SLC44A4: variants seen among roughly 807,000 people sequenced by gnomAD.
SLC44A4 encodes choline transporter-like protein 4.
SLC44A4 carries 74 observed loss-of-function variants against 97.0 expected under a neutral mutation model. The ratio of observed to expected loss-of-function variants is 0.76; its 90% CI spans 0.63 to 0.93. The LOEUF (loss-of-function observed/expected upper bound fraction) is 0.93. Among genes scored for constraint, SLC44A4 ranks in the 40% least tolerant of loss-of-function variants. SLC44A4 has a pLI of 0.00. For synonymous variants in SLC44A4, 325 were observed against 363.8 expected (o/e 0.89, Z 1.21); for missense variants, 799 against 902.9 (o/e 0.88, Z 1.48).
Position 31,866,135 on chromosome 6 carries a change from GT to G in SLC44A4, c.1234-10del. Reference sequence around the variant, plus strand: ...GAGTTCACAAGGTGGGCCTGGGAGGGTAGACGGGGATAGAGTAGGCTCAGGC... The same window carrying G: ...GAGTTCACAAGGTGGGCCTGGGAGGGAGACGGGGATAGAGTAGGCTCAGGC... On this transcript the variant is annotated splice_polypyrimidine_tract_variant and intron_variant, in intron 13 of 20. Coordinates refer to ENST00000229729, the MANE Select transcript of SLC44A4 (RefSeq NM_025257.3). 6.2e-7 allele frequency: 1 copy of G among 1,613,516 alleles called. No individual in the cohort carries two copies. The highest frequency in any genetic ancestry group is 8.5e-7 in the Non-Finnish European group (1 of 1,179,786).
In SLC44A4 at chr6:31,876,413, C is replaced by T. The variant is rs1481289499; in HGVS notation, c.90-284G>A. Among the ~76,000 whole-genome samples, 2 of 152,044 alleles carry T rather than the reference C, an allele frequency of 1.3e-5. No individual in the cohort carries two copies. The highest frequency in any genetic ancestry group is 4.8e-5 in the African/African-American group (2 of 41,398). Reference sequence around the variant, plus strand: ...CCTCCCGAGTAGCTGGGATTACAGGCGCGTGCCACTACTGCCCGGCTAATT... The same window carrying T: ...CCTCCCGAGTAGCTGGGATTACAGGTGCGTGCCACTACTGCCCGGCTAATT... On this transcript the variant is annotated intron_variant, in intron 2 of 20. Transcript: ENST00000229729. The surrounding 1 kb of genome is among the most constrained non-coding windows in gnomAD (Gnocchi z 4.8).
Position 31,865,781 on chromosome 6 carries a change from G to T in SLC44A4, c.1491C>A (p.Tyr497Ter). The T allele has an allele frequency of 6.2e-7, 1 of 1,613,870 alleles. No homozygotes were observed. The highest frequency in any genetic ancestry group is 1.1e-5 in the South Asian group (1 of 91,086). ...CTCCAAATGCCAATGACCCAGTGTG[G>T]TAACTGCAGAGGGTGTTATGCAGTC... ...LISAFIRTLR[Y>*]HTGSLAFGAL... Residue 497 changes from tyrosine to a stop codon, truncating the protein, a stop_gained, in exon 15 of 21, where the codon TAC (tyrosine) becomes TAA (stop). Coordinates refer to ENST00000229729, the MANE Select transcript of SLC44A4 (RefSeq NM_025257.3). LOFTEE classifies it high-confidence loss of function. The surrounding 1 kb of genome is among the most constrained non-coding windows in gnomAD (Gnocchi z 5.2).
At chr6:31,868,499 C>T (rs1762975792) in intron 13 of SLC44A4, among the ~76,000 whole-genome samples, 1 of 152,168 alleles carries the variant, frequency 6.6e-6, no homozygotes, top group Admixed American at 6.5e-5. Context: ...AATGGAGCTG[C>T]ATGTGGTGGC....
In SLC44A4 at chr6:31,869,225, A is replaced by G; in HGVS notation, c.1163T>C (p.Val388Ala). The change falls in exon 13 of 21, where the codon GTG becomes GCG. Residue 388 changes from valine to alanine, a missense_variant. Around this residue, in one of 3 missense-constraint regions of SLC44A4, gnomAD observed 379 missense variants for 438.3 expected, o/e 0.86. Coordinates refer to ENST00000229729, the MANE Select transcript of SLC44A4 (RefSeq NM_025257.3). ...YLATSGQPQY[V>A]LWASNISSPG... Reference sequence around the variant, plus strand: ...GGAGCTGATGTTGGATGCCCAGAGCACATACTGGGGTTGCCCCGATGTAGC... The same window carrying G: ...GGAGCTGATGTTGGATGCCCAGAGCGCATACTGGGGTTGCCCCGATGTAGC... 6.2e-7 allele frequency: 1 copy of G among 1,610,300 alleles called. No individual in the cohort carries two copies. Among genetic ancestry groups the G allele is most frequent in the Non-Finnish European group, 8.5e-7 (1 of 1,178,778 alleles).
chr6:31,875,674 G>C lies in SLC44A4; in HGVS notation c.242+178C>G, dbSNP rs1354488711. ...GGGGACTCAAGAAGCTAACTGTCCA[G>C]CAATGGTTCTTAACGTGGCCTGGAG... On this transcript the variant is annotated intron_variant, in intron 4 of 20. Coordinates refer to ENST00000229729, the MANE Select transcript of SLC44A4 (RefSeq NM_025257.3). The C allele has an allele frequency of 6.5e-6, 4 of 617,768 alleles. No individual in the cohort carries two copies. In the African/African-American group the frequency reaches 7.3e-5, roughly 11 times the overall value. The allele number at this position is 617,768 out of a possible 1,614,324, so 38.3% of individuals were successfully genotyped here. A position where few individuals can be genotyped will look rare whatever the true frequency, so the allele number is the denominator to read the frequency against.
At chr6:31,864,978 A>C (rs760585666) in intron 18 of SLC44A4, 32 bp downstream of exon 18, 1 of 1,613,726 alleles carries the variant, frequency 6.2e-7, no homozygotes. Flanking sequence ...CAGCACCCCT[A>C]CCCTCTGTCC....
At chr6:31,870,516 GC>G in intron 11 of SLC44A4, 86 bp downstream of exon 11, 1 of 1,069,332 alleles carries the variant, frequency 9.4e-7, no homozygotes, top group Non-Finnish European at 1.4e-6. Flanking sequence ...GAGGCTCCCT[GC>G]CACCTCTCTA....
rs770642991 is a variant in SLC44A4 at position 31,863,525 on chromosome 6, T to TAA, written c.*100_*101dup. The stretch of plus-strand genomic sequence containing the variant: ...CAGGCGTGAGCCACGGCGCCTGGCC[T>TAA]AAAACCTTTTTTTACCACAAAATGG... On this transcript the variant is annotated 3_prime_UTR_variant, in exon 21 of 21. Coordinates refer to ENST00000229729, the MANE Select transcript of SLC44A4 (RefSeq NM_025257.3). The TAA allele has an allele frequency of 2.8e-4, 414 of 1,477,564 alleles. No individual in the cohort carries two copies. In the Middle Eastern group the frequency reaches 3.2e-3, roughly 12 times the overall value. The allele number at this position is 1,477,564 out of a possible 1,614,324, so 91.5% of individuals were successfully genotyped here.
intron 20 of SLC44A4, among the ~76,000 whole-genome samples, chr6:31,864,218 G>A (rs907353882): frequency 2.6e-5 from 4 of 152,128 alleles, no homozygotes; most frequent in Non-Finnish European, 5.9e-5. Context: ...GGGATTACAG[G>A]CGCCCGCCAC....
In SLC44A4 at chr6:31,877,063, G is replaced by T. The variant is rs1303778123; in HGVS notation, c.60C>A (p.Asp20Glu). The change falls in exon 2 of 21, where the codon GAC (aspartate) becomes GAA (glutamate). Residue 20 changes from aspartate to glutamate, a missense_variant. This residue lies in a region of SLC44A4 where 409 missense variants were observed against 434.1 expected (regional missense o/e 0.94). Coordinates refer to ENST00000229729, the MANE Select transcript of SLC44A4 (RefSeq NM_025257.3). The surrounding 1 kb of genome is among the most constrained non-coding windows in gnomAD (Gnocchi z 6.5). Reference sequence around the variant, plus strand: ...TCTTGATGGGGCCTCGAAAGGAGGGGTCGTATTTGACTGGCTTCCCTGAGG... The same window carrying T: ...TCTTGATGGGGCCTCGAAAGGAGGGTTCGTATTTGACTGGCTTCCCTGAGG... The part of the protein sequence containing the change: ...DEAYGKPVKY[D>E]PSFRGPIKNR... 1.2e-6 allele frequency: 2 copies of T among 1,610,314 alleles called. No individual in the cohort carries two copies. The highest frequency in any genetic ancestry group is 1.3e-5 in the African/African-American group (1 of 74,898).
Position 31,874,394 on chromosome 6 carries a change from T to G in SLC44A4, c.529+66A>C. 1 of 1,559,472 alleles carries G rather than the reference T, an allele frequency of 6.4e-7. No individual in the cohort carries two copies. Among genetic ancestry groups the G allele is most frequent in the Non-Finnish European group, 8.8e-7 (1 of 1,132,610 alleles). The stretch of plus-strand genomic sequence containing the variant: ...TGACTTCACTCTCTCTGGGCCTGAT[T>G]TCTTCATTCAAGCAATGAAAACACT... On this transcript the variant is annotated intron_variant, in intron 7 of 20. Transcript: ENST00000229729. This position sits in a 1 kb window ranked among gnomAD's most constrained non-coding sequence, Gnocchi z 4.8.
At chr6:31,869,290 G>A (rs751020292) in intron 12 of SLC44A4, 33 bp from the exon 13 acceptor site, 8 of 1,539,096 alleles carry the variant, frequency 5.2e-6, no homozygotes, top group Admixed American at 1.8e-5. Context: ...ATGATCACAC[G>A]AGGTCTCCAC....
chr6:31,863,588 G>C lies in SLC44A4; in HGVS notation c.*39C>G. On this transcript the variant is annotated 3_prime_UTR_variant, in exon 21 of 21. Transcript: ENST00000229729. ...CGAAGTGAGGTTGGATGGCTGGACG[G>C]TGGGGGTGGGGTGCAGTCCTGGATC... The C allele has an allele frequency of 6.3e-7, 1 of 1,576,706 alleles. No individual in the cohort carries two copies. The highest frequency in any genetic ancestry group is 8.6e-7 in the Non-Finnish European group (1 of 1,163,036).
chr6:31,865,633 T>C lies in SLC44A4; in HGVS notation c.1583-32A>G, dbSNP rs1186756841. On this transcript the variant is annotated intron_variant, in intron 15 of 20. Transcript: ENST00000229729. The surrounding 1 kb of genome is among the most constrained non-coding windows in gnomAD (Gnocchi z 5.2). The stretch of plus-strand genomic sequence containing the variant: ...GCGAGGAAGGCTCATGTTTGGTCAC[T>C]GCCCCTCCCTAATGGCCTTCCCCAG... The C allele has an allele frequency of 6.2e-7, 1 of 1,610,712 alleles. No individual in the cohort carries two copies.
chr6:31,865,036 C>T lies in SLC44A4; in HGVS notation c.1805G>A (p.Gly602Glu). The change falls in exon 18 of 21, where the codon GGG (glycine) becomes GAG (glutamate). Residue 602 changes from glycine (G) to glutamate (E), a missense_variant. Coordinates refer to ENST00000229729, the MANE Select transcript of SLC44A4 (RefSeq NM_025257.3). The surrounding 1 kb of genome is among the most constrained non-coding windows in gnomAD (Gnocchi z 5.2). ...DKVTDLLLFFGKLLVVGGVGV... is the reference protein window; with the variant it reads ...DKVTDLLLFFEKLLVVGGVGV... The stretch of plus-strand genomic sequence containing the variant: ...CACGCCTCCGACCACCAGCAGCTTC[C>T]CAAAGAACAGCAGCAGGTCTGTGAC... 6.2e-7 allele frequency: 1 copy of T among 1,613,704 alleles called. No homozygotes were observed.
At chr6:31,867,716 T>C (rs1762937864) in intron 13 of SLC44A4, among the ~76,000 whole-genome samples, 1 of 151,822 alleles carries the variant, frequency 6.6e-6, no homozygotes, top group African/African-American at 2.4e-5. Flanking sequence ...ACAGCCTTTT[T>C]TTCATTAAAA....
Position 31,869,168 on chromosome 6 carries a change from GA to G in SLC44A4, c.1219del (p.Ser407HisfsTer9). ...PGCEKVPINTSCNPTAHLVNS... is the reference protein window; with the variant it reads ...PGCEKVPINTXCNPTAHLVNS... The stretch of plus-strand genomic sequence containing the variant: ...GCTTCCTCTTACCGTGGGGTTGCAT[GA>G]TGTATTTATTGGCACTTTCTCACAG... On this transcript the variant is annotated frameshift_variant, in exon 13 of 21. Coordinates refer to ENST00000229729, the MANE Select transcript of SLC44A4 (RefSeq NM_025257.3). LOFTEE classifies it high-confidence loss of function. 1 of 1,608,922 alleles carries G rather than the reference GA, an allele frequency of 6.2e-7. No homozygotes were observed. Among genetic ancestry groups the G allele is most frequent in the Non-Finnish European group, 8.5e-7 (1 of 1,177,934 alleles).
At position 31,866,141 on chromosome 6, in the gene SLC44A4, G is replaced by A. The variant is rs375565372; in HGVS notation, c.1234-15C>T. The A allele has an allele frequency of 1.7e-4, 282 of 1,613,218 alleles. 4 individuals are homozygous for A. The South Asian group carries it at 2.9e-3, about 17-fold the overall frequency. ...ACAAGGTGGGCCTGGGAGGGTAGAC[G>A]GGGATAGAGTAGGCTCAGGCATCGG... is the stretch of plus-strand genomic sequence containing the variant. On this transcript the variant is annotated splice_polypyrimidine_tract_variant and intron_variant, in intron 13 of 20. Coordinates refer to ENST00000229729, the MANE Select transcript of SLC44A4 (RefSeq NM_025257.3).
intron 11 of SLC44A4, among the ~76,000 whole-genome samples, chr6:31,870,077 C>T (rs1459356698): frequency 6.6e-6 from 1 of 152,158 alleles, no homozygotes; most frequent in Non-Finnish European, 1.5e-5. Context: ...GTGACATTGT[C>T]TTTCATATCT....
Sources: allele counts gnomAD v4.1 joint callset (sites outside exome capture counted in the v4.1 genomes callset), GRCh38; gene constraint gnomAD v4.1.1; regional missense constraint gnomAD v4.1.1; non-coding constraint Gnocchi (gnomAD v3.1); transcripts MANE v1.5; gene names NCBI Gene and HGNC (gene_info 2026-07-23, HGNC 2026-07-21).